FBXO17: variants seen among roughly 807,000 people sequenced by gnomAD.
FBXO17 encodes the protein F-box protein 17, also known as F-box only protein 17.
A neutral mutation model predicts 34.1 loss-of-function variants in FBXO17; 43 were observed. The observed-to-expected ratio is 1.26, with a 90% CI of 0.99 to 1.62. The LOEUF (loss-of-function observed/expected upper bound fraction) is 1.62, where lower values mean the gene tolerates loss of function less well. FBXO17 is among the 40% of genes most tolerant of loss of function. The pLI is 0.00. For missense variants in FBXO17, 424 were observed against 386.7 expected, an observed-to-expected ratio of 1.10 and a Z score of -0.81; for synonymous variants, 169 against 166.0, an observed-to-expected ratio of 1.02 and a Z score of -0.14.
chr19:38,947,669 G>T (rs1454683282), intron 3 of FBXO17, among the ~76,000 whole-genome samples: 1 of 152,120 alleles, frequency 6.6e-6, no homozygotes, highest in Non-Finnish European at 1.5e-5. Flanking sequence ...CTGTAGAGGT[G>T]GCACCATCAT....
intron 1 of FBXO17, among the ~76,000 whole-genome samples, chr19:38,957,923 G>A (rs1394557288): frequency 6.6e-6 from 1 of 151,916 alleles, no homozygotes; most frequent in Admixed American, 6.6e-5. Context: ...GCAACATGAC[G>A]AAACCCTCTC....
At chr19:38,954,314 G>A (rs1310171480) in intron 1 of FBXO17, among the ~76,000 whole-genome samples, 2 of 152,130 alleles carry the variant, frequency 1.3e-5, no homozygotes, top group Non-Finnish European at 2.9e-5. Context: ...CTGTGGCCTA[G>A]GCTGGAGTGC....
intron 1 of FBXO17, among the ~76,000 whole-genome samples, chr19:38,960,518 C>CT (rs1430269708): frequency 4.1e-5 from 6 of 145,868 alleles, no homozygotes; most frequent in South Asian, 2.2e-4. Flanking sequence ...CAAATAATAT[C>CT]TTTTTTTTGA....
chr19:38,948,761 C>T, intron 2 of FBXO17, 83 bp from the exon 3 acceptor site: 1 of 1,131,498 alleles, frequency 8.8e-7, no homozygotes, highest in East Asian at 2.4e-5. Context: ...CTTGTGCTGT[C>T]CACCAGCCTC....
At chr19:38,958,791 C>T (rs920230016) in intron 1 of FBXO17, among the ~76,000 whole-genome samples, 1 of 152,168 alleles carries the variant, frequency 6.6e-6, no homozygotes, top group African/African-American at 2.4e-5. Context: ...CACCACTGCT[C>T]GTGAAGCTGT....
At chr19:38,944,918 C>A (rs771649895) in intron 5 of FBXO17, 51 bp downstream of exon 5, 8 of 1,605,810 alleles carry the variant, frequency 5.0e-6, no homozygotes, top group South Asian at 1.1e-5. Flanking sequence ...AGAGGCTGGG[C>A]GTGTGTGCCT....
chr19:38,972,512 T>G (rs1975402896), intron 1 of FBXO17, among the ~76,000 whole-genome samples: 1 of 150,868 alleles, frequency 6.6e-6, no homozygotes, highest in Non-Finnish European at 1.5e-5. Context: ...GCCACTGCAC[T>G]GCAGCCTGGG....
chr19:38,974,031 T>C (rs1041031972), intron 1 of FBXO17, among the ~76,000 whole-genome samples: 13 of 122,942 alleles, frequency 1.1e-4, no homozygotes, highest in African/African-American at 2.8e-4. Flanking sequence ...TATATATATA[T>C]ACATATATAT....
intron 3 of FBXO17, 22 bp downstream of exon 3, chr19:38,948,545 G>C: frequency 6.3e-7 from 1 of 1,597,446 alleles, no homozygotes; most frequent in Non-Finnish European, 8.6e-7. Context: ...AGGGATCGGG[G>C]CCTCTCACTT....
chr19:38,949,970 C>A lies in FBXO17; in HGVS notation c.349+1G>T. 1 of 1,534,142 alleles carries A rather than the reference C, an allele frequency of 6.5e-7. No homozygotes were observed. Among genetic ancestry groups the A allele is most frequent in the Non-Finnish European group, 8.8e-7 (1 of 1,142,072 alleles). On this transcript the variant is annotated splice_donor_variant, in intron 2 of 5. Coordinates refer to ENST00000292852, the MANE Select transcript of FBXO17 (RefSeq NM_024907.7). LOFTEE classifies it high-confidence loss of function. The stretch of plus-strand genomic sequence containing the variant: ...TCCTGGGCCCCGCCCCCGTCACCCA[C>A]GCTCTCCGCAGGAGTTGAAGATGAG...
intron 1 of FBXO17, among the ~76,000 whole-genome samples, chr19:38,959,432 C>A (rs1975216745): frequency 6.6e-6 from 1 of 151,118 alleles, no homozygotes; most frequent in Non-Finnish European, 1.5e-5. Flanking sequence ...GCACACGCCA[C>A]CATGCCTAGC....
rs962522606 is a variant in FBXO17, at chr19:38,975,387, G to C, written c.-18+199C>G. 1.3e-5 allele frequency among the ~76,000 whole-genome samples: 2 copies of C among 152,208 alleles called. No homozygotes were observed. Among genetic ancestry groups the C allele is most frequent in the Non-Finnish European group, 2.9e-5 (2 of 68,038 alleles). ...ATTTAGGGCTTTCTAACGTGCATTT[G>C]TATAACTTTGGGTTTAAAGGAGCCT... is the stretch of plus-strand genomic sequence containing the variant. On this transcript the variant is annotated intron_variant, in intron 1 of 5. Coordinates refer to ENST00000292852, the MANE Select transcript of FBXO17 (RefSeq NM_024907.7). The surrounding 1 kb of genome is among the most constrained non-coding windows in gnomAD (Gnocchi z 4.9).
chr19:38,974,103 CAG>C (rs1975430351), intron 1 of FBXO17, among the ~76,000 whole-genome samples: 1 of 132,710 alleles, frequency 7.5e-6, no homozygotes, highest in African/African-American at 2.7e-5. Context: ...TTTTTTGAGA[CAG>C]AGTCTTGCTC....
chr19:38,973,371 C>T (rs78859782), intron 1 of FBXO17, among the ~76,000 whole-genome samples: 9,026 of 151,948 alleles, frequency 0.059, 363 homozygotes, highest in East Asian at 0.2. Flanking sequence ...AGAGATTCTG[C>T]CTCAAAAATT....
chr19:38,945,415 G>C, intron 4 of FBXO17: 1 of 386,260 alleles, frequency 2.6e-6, no homozygotes, highest in Non-Finnish European at 4.6e-6. Flanking sequence ...CCAGAGCCTG[G>C]GGGAGGGTCC....
chr19:38,959,887 C>T (rs1201772330), intron 1 of FBXO17, among the ~76,000 whole-genome samples: 1 of 151,958 alleles, frequency 6.6e-6, no homozygotes, highest in Non-Finnish European at 1.5e-5. Context: ...CAGAGTGAGA[C>T]TCTGTCTCCA....
chr19:38,962,348 T>G (rs1179496492), intron 1 of FBXO17, among the ~76,000 whole-genome samples: 4 of 152,176 alleles, frequency 2.6e-5, no homozygotes, highest in Non-Finnish European at 5.9e-5. Context: ...CAGACTTGGC[T>G]CCTGCAGGGC....
intron 1 of FBXO17, among the ~76,000 whole-genome samples, chr19:38,958,406 CAAA>C (rs61007658): frequency 0.35 from 33,940 of 98,236 alleles, 4,479 homozygotes; most frequent in East Asian, 0.46. Context: ...GAAACTGTCT[CAAA>C]AAAAAAAAAA....
chr19:38,943,148 A>T (rs1188086506), intron 5 of FBXO17, among the ~76,000 whole-genome samples: 1 of 150,072 alleles, frequency 6.7e-6, no homozygotes, highest in Non-Finnish European at 1.5e-5. Flanking sequence ...GTGAGGGGAG[A>T]GGTAAGAGAG....
Sources: gnomAD v4.1 joint callset for allele counts (sites outside exome capture counted in the v4.1 genomes callset) on GRCh38, gnomAD v4.1.1 for gene constraint, Gnocchi (gnomAD v3.1) non-coding constraint, MANE v1.5 for transcripts, NCBI Gene and HGNC (gene_info 2026-07-23, HGNC 2026-07-21) for gene names.